Variants in ADD3 observed in about 807,000 individuals in gnomAD.
The protein encoded by ADD3 is adducin 3.
In ADD3, 25 loss-of-function variants were observed where a neutral mutation model predicts 80.2. The ratio of observed to expected loss-of-function variants is 0.31; its 90% CI spans 0.23 to 0.44. ADD3 has a LOEUF of 0.44. ADD3 is among the 20% of genes least tolerant of loss of function. The pLI is 1.00. For synonymous variants in ADD3, 284 were observed against 289.6 expected (o/e 0.98, Z 0.20); for missense variants, 829 against 847.5 (o/e 0.98, Z 0.27).
intron 1 of ADD3, among the ~76,000 whole-genome samples, chr10:110,067,799 G>C (rs1844158612): frequency 6.6e-6 from 1 of 152,104 alleles, no homozygotes; most frequent in Non-Finnish European, 1.5e-5. Flanking sequence ...AAGGTTCTCA[G>C]TTTTTCATTT....
chr10:110,131,500 A>G (rs1397456838), intron 13 of ADD3, among the ~76,000 whole-genome samples: 1 of 152,214 alleles, frequency 6.6e-6, no homozygotes, highest in Non-Finnish European at 1.5e-5. Context: ...TACAGTTGAA[A>G]TTTTCATGCA....
intron 1 of ADD3, among the ~76,000 whole-genome samples, chr10:110,099,990 T>G (rs530998011): frequency 1.3e-5 from 2 of 151,928 alleles, no homozygotes; most frequent in East Asian, 3.9e-4. Flanking sequence ...AAAGTAGGAG[T>G]TGGGGGCCAG....
At chr10:110,066,508 C>G (rs930537882) in intron 1 of ADD3, among the ~76,000 whole-genome samples, 7 of 152,182 alleles carry the variant, frequency 4.6e-5, no homozygotes, top group Non-Finnish European at 1.0e-4. Context: ...GCTGGGATTA[C>G]AGGTGTGAGC....
At chr10:110,075,710 G>C (rs991807381) in intron 1 of ADD3, 3 of 152,192 alleles carry the variant, frequency 2.0e-5, no homozygotes, top group African/African-American at 7.2e-5. Context: ...TAACCAACTG[G>C]TAACTTTGAA....
chr10:110,044,674 A>G (rs1856733383), intron 1 of ADD3, among the ~76,000 whole-genome samples: 1 of 152,250 alleles, frequency 6.6e-6, no homozygotes, highest in Non-Finnish European at 1.5e-5. Context: ...ATTGTAGACT[A>G]AAGAAGTAAT....
At chr10:110,118,019 TAC>T (rs148105742) in intron 5 of ADD3, among the ~76,000 whole-genome samples, 19,307 of 124,888 alleles carry the variant, frequency 0.15, 1,221 homozygotes, top group Middle Eastern at 0.23. Flanking sequence ...CTGTCTTCAA[TAC>T]ACACACACAC....
chr10:110,029,402 G>A (rs764666195), intron 1 of ADD3, among the ~76,000 whole-genome samples: 1 of 152,138 alleles, frequency 6.6e-6, no homozygotes, highest in Non-Finnish European at 1.5e-5. Context: ...TTCTTCTTCC[G>A]GCATTAACAT....
chr10:110,092,092 G>A (rs1220113523), intron 1 of ADD3, among the ~76,000 whole-genome samples: 1 of 152,198 alleles, frequency 6.6e-6, no homozygotes, highest in African/African-American at 2.4e-5. Context: ...AATAACAGAT[G>A]TTGGCGAGGT....
rs934822388 is a variant in ADD3 at position 110,119,649 on chromosome 10, T to G, written c.960+85T>G. The G allele has an allele frequency of 1.2e-5, 14 of 1,154,014 alleles. No individual in the cohort carries two copies. In the South Asian group the frequency reaches 1.4e-4, roughly 11 times the overall value. The allele number at this position is 1,154,014 out of a possible 1,614,324, so 71.5% of individuals were successfully genotyped here. The stretch of plus-strand genomic sequence containing the variant: ...TGTGTACTTATTTGCAAATACATAT[T>G]AGTTAGTGGCTTTTTGTCTTTTAAG... On this transcript the variant is annotated intron_variant, in intron 8 of 14. Transcript: ENST00000356080.
chr10:110,005,351 C>T (rs1201308076), upstream of ADD3, among the ~76,000 whole-genome samples: 2 of 152,204 alleles, frequency 1.3e-5, no homozygotes, highest in African/African-American at 2.4e-5. Flanking sequence ...TGAGCCACCA[C>T]GCCCGGCAAT....
At chr10:110,110,124 A>T (rs563205056) in intron 2 of ADD3, among the ~76,000 whole-genome samples, 2 of 152,210 alleles carry the variant, frequency 1.3e-5, no homozygotes, top group African/African-American at 4.8e-5. Context: ...TTAGGATTCA[A>T]ATGTCACAAT....
intron 1 of ADD3, among the ~76,000 whole-genome samples, chr10:110,044,512 A>G (rs1856717365): frequency 6.6e-6 from 1 of 152,232 alleles, no homozygotes; most frequent in Non-Finnish European, 1.5e-5. Flanking sequence ...TGTTTAATGT[A>G]ACATAGGTGC....
At chr10:110,023,304 CTG>C (rs1220152300) in intron 1 of ADD3, among the ~76,000 whole-genome samples, 3 of 152,220 alleles carry the variant, frequency 2.0e-5, no homozygotes, top group African/African-American at 7.2e-5. Context: ...TGACAACTAT[CTG>C]TGAACAAGGA....
upstream of ADD3, among the ~76,000 whole-genome samples, chr10:110,004,507 C>CA (rs1851557543): frequency 6.6e-6 from 1 of 151,906 alleles, no homozygotes; most frequent in African/African-American, 2.4e-5. Context: ...GACAGGGTTT[C>CA]ACCATGTTGG....
Position 110,100,606 on chromosome 10 carries a change from T to C in ADD3, c.-29-19T>C. Reference sequence around the variant, plus strand: ...AATGAATTTATCATGGATGTCCTTCTTTGTGTTTATTAATGCAGATAACAA... The same window carrying C: ...AATGAATTTATCATGGATGTCCTTCCTTGTGTTTATTAATGCAGATAACAA... On this transcript the variant is annotated intron_variant, in intron 1 of 14. Coordinates refer to ENST00000356080, the MANE Select transcript of ADD3 (RefSeq NM_016824.5). 1 of 1,427,562 alleles carries C rather than the reference T, an allele frequency of 7.0e-7. No homozygotes were observed. The highest frequency in any genetic ancestry group is 9.3e-7 in the Non-Finnish European group (1 of 1,079,110). The allele number at this position is 1,427,562 out of a possible 1,614,324, so 88.4% of individuals were successfully genotyped here.
intron 10 of ADD3, 60 bp downstream of exon 10, chr10:110,124,334 T>C: frequency 6.5e-7 from 1 of 1,547,978 alleles, no homozygotes; most frequent in Non-Finnish European, 8.8e-7. Context: ...TACTCAAGAA[T>C]TGAATGTTCT....
At chr10:110,132,064 C>T (rs1853091951) in intron 13 of ADD3, among the ~76,000 whole-genome samples, 2 of 152,212 alleles carry the variant, frequency 1.3e-5, no homozygotes, top group African/African-American at 4.8e-5. Context: ...CTGCCAGCAG[C>T]TGTGCATCTT....
intron 3 of ADD3, among the ~76,000 whole-genome samples, 184 bp from the exon 4 acceptor site, chr10:110,116,075 T>C (rs945523562): frequency 1.3e-5 from 2 of 152,232 alleles, no homozygotes; most frequent in East Asian, 1.9e-4. Flanking sequence ...CTGATACTTA[T>C]TTTTACTCTC....
intron 3 of ADD3, among the ~76,000 whole-genome samples, chr10:110,113,715 A>G (rs540767447): frequency 5.3e-5 from 8 of 152,340 alleles, no homozygotes; most frequent in African/African-American, 1.7e-4. Context: ...AAAGACCACT[A>G]TATTTTCTGT....
Sources: allele counts gnomAD v4.1 joint callset (sites outside exome capture counted in the v4.1 genomes callset), GRCh38; gene constraint gnomAD v4.1.1; transcripts MANE v1.5; gene names NCBI Gene and HGNC (gene_info 2026-07-23, HGNC 2026-07-21).